Variants in ADCY5 observed in about 807,000 individuals in gnomAD.
The protein encoded by ADCY5 is adenylate cyclase type 5.
A neutral mutation model predicts 119.7 loss-of-function variants in ADCY5; 30 were observed. The ratio of observed to expected loss-of-function variants is 0.25; its 90% CI spans 0.19 to 0.34. ADCY5 has a LOEUF of 0.34. Among genes scored for constraint, ADCY5 ranks in the 10% least tolerant of loss-of-function variants. The pLI is 1.00. For missense variants in ADCY5, 1,324 were observed against 1,775.2 expected (o/e 0.75, Z 4.57); for synonymous variants, 753 against 762.2 (o/e 0.99, Z 0.20).
chr3:123,327,786 A>T (rs1941567428), intron 6 of ADCY5, 27 bp from the exon 7 acceptor site: 1 of 1,612,004 alleles, frequency 6.2e-7, no homozygotes, highest in Non-Finnish European at 8.5e-7. Flanking sequence ...ATCAGGGTGG[A>T]GAGGGCAGAA....
At chr3:123,380,452 C>T (rs1193458906) in intron 1 of ADCY5, among the ~76,000 whole-genome samples, 1 of 152,192 alleles carries the variant, frequency 6.6e-6, no homozygotes, top group Non-Finnish European at 1.5e-5. Context: ...TACAAAACTG[C>T]CCACTGCCTT....
intron 1 of ADCY5, among the ~76,000 whole-genome samples, chr3:123,440,198 G>T (rs1019904352): frequency 6.6e-6 from 1 of 152,142 alleles, no homozygotes; most frequent in Non-Finnish European, 1.5e-5. Flanking sequence ...TGAGGCACTG[G>T]GTCCCTCAGG....
At chr3:123,337,603 G>A (rs987532458) in intron 3 of ADCY5, among the ~76,000 whole-genome samples, 24 of 152,156 alleles carry the variant, frequency 1.6e-4, no homozygotes, top group Non-Finnish European at 5.9e-5. Flanking sequence ...CTCTGCCTTG[G>A]TCCTCACCAG....
intron 1 of ADCY5, among the ~76,000 whole-genome samples, chr3:123,393,061 C>T (rs1386786224): frequency 6.6e-6 from 1 of 152,150 alleles, no homozygotes; most frequent in Non-Finnish European, 1.5e-5. Flanking sequence ...AACAAGGCAA[C>T]AGGTGAGGCA....
At chr3:123,391,394 G>A (rs1350322664) in intron 1 of ADCY5, among the ~76,000 whole-genome samples, 1 of 152,132 alleles carries the variant, frequency 6.6e-6, no homozygotes, top group Non-Finnish European at 1.5e-5. Flanking sequence ...GTGCAGCTTG[G>A]ACAAAACAGA....
chr3:123,412,671 C>T (rs562837017), intron 1 of ADCY5, among the ~76,000 whole-genome samples: 8 of 152,290 alleles, frequency 5.3e-5, no homozygotes, highest in African/African-American at 1.9e-4. Context: ...TGAGGGTCAT[C>T]TGGTGATGTG....
In ADCY5 at chr3:123,447,584, T is replaced by C; in HGVS notation, c.962A>G (p.Gln321Arg). Reference sequence around the variant, plus strand: ...GATGCCCTCAGAGGCGCTGCGTGGCTGCGGCAGCAGCAGGCCCACCACCTG... The same window carrying C: ...GATGCCCTCAGAGGCGCTGCGTGGCCGCGGCAGCAGCAGGCCCACCACCTG... The part of the protein sequence containing the change: ...AVQVVGLLLP[Q>R]PRSASEGIWW... Residue 321 changes from glutamine to arginine, a missense_variant, in exon 1 of 21, where the codon CAG becomes CGG. By Grantham distance (43) the Gln-to-Arg change is conservative. Coordinates refer to ENST00000462833, the MANE Select transcript of ADCY5 (RefSeq NM_183357.3). 6.2e-7 allele frequency: 1 copy of C among 1,608,040 alleles called. No homozygotes were observed. The highest frequency in any genetic ancestry group is 8.5e-7 in the Non-Finnish European group (1 of 1,179,270).
chr3:123,397,284 C>T (rs1035200949), intron 1 of ADCY5, among the ~76,000 whole-genome samples: 1 of 152,172 alleles, frequency 6.6e-6, no homozygotes, highest in South Asian at 2.1e-4. Context: ...AAGCAGGAGT[C>T]CTGCCTGTGC....
At chr3:123,419,960 A>G (rs1945268254) in intron 1 of ADCY5, among the ~76,000 whole-genome samples, 1 of 151,772 alleles carries the variant, frequency 6.6e-6, no homozygotes, top group Non-Finnish European at 1.5e-5. Context: ...ACAAATGATG[A>G]GCTCCCTGTG....
At chr3:123,357,992 A>C (rs1943099382) in intron 1 of ADCY5, among the ~76,000 whole-genome samples, 1 of 152,230 alleles carries the variant, frequency 6.6e-6, no homozygotes, top group Non-Finnish European at 1.5e-5. Context: ...GCAAAGTAAA[A>C]GTAAGTATAA....
chr3:123,376,758 G>A (rs1943850079), intron 1 of ADCY5, among the ~76,000 whole-genome samples: 1 of 152,188 alleles, frequency 6.6e-6, no homozygotes, highest in Non-Finnish European at 1.5e-5. Context: ...AAAAGTCTGG[G>A]CAGGCAGGAG....
intron 20 of ADCY5, among the ~76,000 whole-genome samples, chr3:123,285,766 C>T (rs1455272586): frequency 6.6e-6 from 1 of 152,192 alleles, no homozygotes; most frequent in African/African-American, 2.4e-5. Flanking sequence ...TATCTCTAGG[C>T]CCATCCTGCT....
At chr3:123,396,134 GAAAAAAGA>G (rs1944554794) in intron 1 of ADCY5, among the ~76,000 whole-genome samples, 1 of 135,056 alleles carries the variant, frequency 7.4e-6, no homozygotes, top group Admixed American at 7.6e-5. Context: ...GCAAGAGAGG[GAAAAAAGA>G]AGAGAAAAGG....
intron 1 of ADCY5, among the ~76,000 whole-genome samples, chr3:123,383,774 C>A (rs547341963): frequency 1.3e-5 from 2 of 152,170 alleles, no homozygotes; most frequent in African/African-American, 4.8e-5. Context: ...TCCACACATG[C>A]AGGCAGGCAC....
intron 1 of ADCY5, among the ~76,000 whole-genome samples, chr3:123,370,242 C>A (rs1943589680): frequency 6.6e-6 from 1 of 152,152 alleles, no homozygotes; most frequent in South Asian, 2.1e-4. Flanking sequence ...GATTATCACA[C>A]CACCGCCCCC....
At chr3:123,317,251 C>A (rs1034620824) in intron 11 of ADCY5, among the ~76,000 whole-genome samples, 1 of 152,172 alleles carries the variant, frequency 6.6e-6, no homozygotes, top group Non-Finnish European at 1.5e-5. Flanking sequence ...TTCAGAAACA[C>A]CTCTTTGTGA....
chr3:123,314,267 C>T lies in ADCY5; in HGVS notation c.2410G>A (p.Val804Met). ...LTCSLLLTLV[V>M]FVSVIYSCVK... The stretch of plus-strand genomic sequence containing the variant: ...CAGGAGTAGATCACAGACACAAACA[C>T]CACCAAGGTCAGCAGCAGGGAACAG... The change falls in exon 12 of 21, where the codon GTG becomes ATG. Residue 804 changes from valine to methionine, a missense_variant. Physicochemically the swap from Val to Met is conservative, Grantham distance 21. Transcript: ENST00000462833. 1 of 1,613,874 alleles carries T rather than the reference C, an allele frequency of 6.2e-7. No homozygotes were observed.
rs1945862620 is a variant in ADCY5, at chr3:123,448,134, C to A, written c.412G>T (p.Gly138Cys). The A allele has an allele frequency of 3.9e-6, 4 of 1,022,614 alleles. No homozygotes were observed. The highest frequency in any genetic ancestry group is 3.5e-5 in the African/African-American group (2 of 57,396). The allele number at this position is 1,022,614 out of a possible 1,614,324, so 63.3% of individuals were successfully genotyped here. ...TRAPPAGGGG[G>C]SAAAAASAGG... Reference sequence around the variant, plus strand: ...GCCGAGGCAGCCGCCGCCGCCGAGCCGCCGCCGCCGCCCGCAGGGGGCGCC... The same window carrying A: ...GCCGAGGCAGCCGCCGCCGCCGAGCAGCCGCCGCCGCCCGCAGGGGGCGCC... Residue 138 changes from glycine to cysteine, a missense_variant, in exon 1 of 21, where the codon GGC (glycine) becomes TGC (cysteine). Coordinates refer to ENST00000462833, the MANE Select transcript of ADCY5 (RefSeq NM_183357.3).
chr3:123,359,293 G>A (rs1429670119), intron 1 of ADCY5, among the ~76,000 whole-genome samples: 2 of 140,470 alleles, frequency 1.4e-5, no homozygotes, highest in Non-Finnish European at 3.0e-5. Flanking sequence ...TTTAGTATAA[G>A]TAGGTTCCAG....
Sources: gnomAD v4.1 joint callset for allele counts (sites outside exome capture counted in the v4.1 genomes callset) on GRCh38, gnomAD v4.1.1 for gene constraint, MANE v1.5 for transcripts, NCBI Gene and HGNC (gene_info 2026-07-23, HGNC 2026-07-21) for gene names.